Variants in LGSN observed in about 807,000 individuals in gnomAD.
LGSN encodes the protein lengsin, lens protein with glutamine synthetase domain.
Under a neutral mutation model 19.5 loss-of-function variants are expected in LGSN, and 21 were observed. That is an observed-to-expected ratio of 1.07 (90% CI 0.76 to 1.55). The LOEUF (loss-of-function observed/expected upper bound fraction) is 1.55, where lower values mean the gene tolerates loss of function less well. Among genes scored for constraint, LGSN ranks in the 40% most tolerant of loss-of-function variants. The pLI, the probability that LGSN is intolerant of heterozygous loss-of-function variation, is 0.00. For missense variants in LGSN, 673 were observed against 608.5 expected (o/e 1.11, Z -1.12); for synonymous variants, 257 against 215.6 (o/e 1.19, Z -1.68).
At chr6:63,529,214 T>TGTGTGTATATATATA in the LGSN span, among the ~76,000 whole-genome samples, 1 of 149,248 alleles carries the variant, frequency 6.7e-6, no homozygotes, top group African/African-American at 2.4e-5. Flanking sequence ...TGTATATATA[T>TGTGTGTATATATATA]TTGCTAATAA....
intron 2 of LGSN, among the ~76,000 whole-genome samples, chr6:63,286,104 A>T (rs1218538788): frequency 6.6e-6 from 1 of 152,224 alleles, no homozygotes; most frequent in Non-Finnish European, 1.5e-5. Context: ...GGACCATAAA[A>T]GCCTGTCTGT....
the LGSN span, among the ~76,000 whole-genome samples, chr6:63,427,294 T>C: frequency 2.0e-5 from 3 of 152,152 alleles, no homozygotes; most frequent in Non-Finnish European, 4.4e-5. Context: ...TCCACCCACA[T>C]CGTCCTCCCA....
the LGSN span, among the ~76,000 whole-genome samples, chr6:63,327,100 T>A: frequency 6.6e-6 from 1 of 152,080 alleles, no homozygotes; most frequent in Non-Finnish European, 1.5e-5. Flanking sequence ...TGGATAGGGG[T>A]GAAGAAGGGG....
chr6:63,403,059 A>G, the LGSN span, among the ~76,000 whole-genome samples: 9 of 151,784 alleles, frequency 5.9e-5, no homozygotes, highest in Admixed American at 2.0e-4. Context: ...CTTAAAATAA[A>G]TTTATATAGA....
the LGSN span, among the ~76,000 whole-genome samples, chr6:63,443,094 G>A: frequency 6.6e-6 from 1 of 152,226 alleles, no homozygotes; most frequent in South Asian, 2.1e-4. Flanking sequence ...GCCCCATGGG[G>A]AGGTGGCTGA....
upstream of LGSN, among the ~76,000 whole-genome samples, chr6:63,324,658 T>A (rs1327545437): frequency 6.6e-6 from 1 of 152,064 alleles, no homozygotes; most frequent in Admixed American, 6.5e-5. Context: ...AACATGCTCC[T>A]GAATGGTCAC....
At chr6:63,303,543 A>G (rs775277272) in intron 1 of LGSN, among the ~76,000 whole-genome samples, 45 of 152,236 alleles carry the variant, frequency 3.0e-4, no homozygotes, top group Non-Finnish European at 5.7e-4. Flanking sequence ...CAATCAAAAC[A>G]TGAGTTGACC....
chr6:63,355,987 G>A, the LGSN span, among the ~76,000 whole-genome samples: 1 of 152,180 alleles, frequency 6.6e-6, no homozygotes, highest in South Asian at 2.1e-4. Flanking sequence ...CCAGTACTCT[G>A]TCTTCACATG....
chr6:63,544,160 G>A, the LGSN span, among the ~76,000 whole-genome samples: 6 of 152,044 alleles, frequency 3.9e-5, no homozygotes, highest in Non-Finnish European at 7.4e-5. Flanking sequence ...ACAGTTGTCC[G>A]GAGGGCTTTA....
upstream of LGSN, among the ~76,000 whole-genome samples, chr6:63,321,253 C>A (rs906962756): frequency 2.6e-5 from 4 of 152,136 alleles, no homozygotes; most frequent in Non-Finnish European, 2.9e-5. Context: ...ACTTTTACAA[C>A]TTTTTCTTGC....
At chr6:63,436,275 G>A in the LGSN span, among the ~76,000 whole-genome samples, 1 of 152,060 alleles carries the variant, frequency 6.6e-6, no homozygotes, top group South Asian at 2.1e-4. Flanking sequence ...GCTAATTTTT[G>A]TATTTTTATA....
chr6:63,281,330 T>TATAA lies in LGSN; in HGVS notation c.331-111_331-110insTTAT, dbSNP rs1360072081. On this transcript the variant is annotated intron_variant, in intron 3 of 3. Coordinates refer to ENST00000370657, the MANE Select transcript of LGSN (RefSeq NM_016571.3). ...ATATATATATATATATATATATATATAATAAATATATATATATATGTTTAA... is the reference window on the plus strand; with the variant it reads ...ATATATATATATATATATATATATATATAAAATAAATATATATATATATGTTTAA... 2.6e-3 allele frequency: 383 copies of TATAA among 149,508 alleles called. 8 individuals carry two copies. The highest frequency in any genetic ancestry group is 0.01 in the African/African-American group (373 of 36,446). The allele number at this position is 149,508 out of a possible 1,614,324, so 9.3% of individuals were successfully genotyped here.
At chr6:63,340,231 T>C in the LGSN span, among the ~76,000 whole-genome samples, 1 of 152,186 alleles carries the variant, frequency 6.6e-6, no homozygotes, top group Admixed American at 6.5e-5. Flanking sequence ...TTGACTATAA[T>C]GTGCCTTGGA....
At chr6:63,393,078 G>T in the LGSN span, among the ~76,000 whole-genome samples, 1 of 151,012 alleles carries the variant, frequency 6.6e-6, no homozygotes, top group Non-Finnish European at 1.5e-5. Flanking sequence ...TAGTAGAGAC[G>T]GGGTTTCACC....
chr6:63,531,514 T>A, the LGSN span, among the ~76,000 whole-genome samples: 2 of 144,936 alleles, frequency 1.4e-5, no homozygotes, highest in Non-Finnish European at 3.0e-5. Flanking sequence ...CTATTATGCT[T>A]TTTTTTTTTT....
At chr6:63,352,514 C>T in the LGSN span, among the ~76,000 whole-genome samples, 1 of 151,950 alleles carries the variant, frequency 6.6e-6, no homozygotes, top group African/African-American at 2.4e-5. Flanking sequence ...TACGAAAATT[C>T]ACCAGGTGTG....
the LGSN span, among the ~76,000 whole-genome samples, chr6:63,417,382 C>A: frequency 2.0e-5 from 3 of 152,138 alleles, no homozygotes; most frequent in Non-Finnish European, 4.4e-5. Flanking sequence ...GGCCCTTCCT[C>A]TAAGTTTCTA....
At chr6:63,506,920 C>T in the LGSN span, among the ~76,000 whole-genome samples, 7 of 152,096 alleles carry the variant, frequency 4.6e-5, no homozygotes, top group Admixed American at 3.3e-4. Context: ...TCACGTGACA[C>T]TATCTTACTA....
At chr6:63,544,204 G>T in the LGSN span, among the ~76,000 whole-genome samples, 3 of 152,068 alleles carry the variant, frequency 2.0e-5, no homozygotes, top group African/African-American at 4.8e-5. Flanking sequence ...AACATTCTTT[G>T]ATGTAATTTG....
Sources: gnomAD v4.1 joint callset for allele counts (sites outside exome capture counted in the v4.1 genomes callset) on GRCh38, gnomAD v4.1.1 for gene constraint, MANE v1.5 for transcripts, NCBI Gene and HGNC (gene_info 2026-07-23, HGNC 2026-07-21) for gene names.